Variants in P3H2 observed in about 807,000 individuals in gnomAD.
P3H2 encodes leprecan-like 1.
In P3H2, 80 loss-of-function variants were observed where a neutral mutation model predicts 87.0. That is an observed-to-expected ratio of 0.92 (90% CI 0.77 to 1.11). The LOEUF (loss-of-function observed/expected upper bound fraction) is 1.11, where lower values mean the gene tolerates loss of function less well. Among genes scored for constraint, P3H2 ranks in the 50% least tolerant of loss-of-function variants. P3H2 has a pLI of 0.00. For missense variants in P3H2, 1,001 were observed against 923.9 expected (o/e 1.08, Z -1.08); for synonymous variants, 367 against 359.3 (o/e 1.02, Z -0.24).
intron 1 of P3H2, among the ~76,000 whole-genome samples, chr3:190,069,958 T>C (rs953484597): frequency 1.3e-5 from 2 of 152,024 alleles, no homozygotes; most frequent in Admixed American, 1.3e-4. Context: ...AAGTTTTTTT[T>C]TTTTTTCTTC....
chr3:189,989,105 C>A, intron 3 of P3H2, 67 bp from the exon 4 acceptor site: 1 of 1,588,866 alleles, frequency 6.3e-7, no homozygotes, highest in Non-Finnish European at 8.6e-7. Flanking sequence ...AACGTCACAG[C>A]CACAGTTACA....
At chr3:190,011,186 T>C (rs1015740361) in intron 1 of P3H2, among the ~76,000 whole-genome samples, 1 of 151,604 alleles carries the variant, frequency 6.6e-6, no homozygotes, top group Non-Finnish European at 1.5e-5. Context: ...GAGAGGAGAA[T>C]TGCTTGAACC....
At chr3:190,036,989 T>TAAA (rs1553877436) in intron 1 of P3H2, among the ~76,000 whole-genome samples, 4 of 151,958 alleles carry the variant, frequency 2.6e-5, no homozygotes, top group Non-Finnish European at 5.9e-5. Context: ...AATTTTCAAT[T>TAAA]AACAACAACA....
chr3:190,089,597 C>T (rs1048756260), intron 1 of P3H2, among the ~76,000 whole-genome samples: 2 of 152,168 alleles, frequency 1.3e-5, no homozygotes, highest in Non-Finnish European at 2.9e-5. Context: ...TCACACATAC[C>T]TTATGCCTCA....
At chr3:190,089,243 T>C (rs546319347) in intron 1 of P3H2, among the ~76,000 whole-genome samples, 4 of 152,090 alleles carry the variant, frequency 2.6e-5, no homozygotes, top group East Asian at 3.9e-4. Context: ...CGGGGAGGGA[T>C]AGCATTAGGA....
chr3:189,957,288 T>C lies in P3H2; in HGVS notation c.*624A>G, dbSNP rs1722663029. 5.0e-6 allele frequency: 2 copies of C among 399,566 alleles called. No homozygotes were observed. The highest frequency in any genetic ancestry group is 8.8e-6 in the Non-Finnish European group (2 of 227,112). 24.8% of individuals were successfully genotyped at this position (399,566 alleles called of 1,614,324 possible). ...TTGGAGAGTCGGAGCTCATGGCCGT[T>C]AGCACCTAAGGATGTGGCTGAAAGG... On this transcript the variant is annotated 3_prime_UTR_variant, in exon 15 of 15. Transcript: ENST00000319332.
chr3:189,995,556 G>GTTTTT, intron 1 of P3H2, 114 bp from the exon 2 acceptor site: 14 of 839,148 alleles, frequency 1.7e-5, no homozygotes, highest in East Asian at 3.0e-5. Flanking sequence ...AGGAGCCTTG[G>GTTTTT]TTTTTTTTTT....
chr3:190,057,527 G>A (rs918287757), intron 1 of P3H2, among the ~76,000 whole-genome samples: 2 of 152,168 alleles, frequency 1.3e-5, no homozygotes, highest in East Asian at 3.9e-4. Flanking sequence ...CCTGGAAACA[G>A]AATCCCACAT....
At chr3:190,080,338 A>C (rs558287746) in intron 1 of P3H2, among the ~76,000 whole-genome samples, 5 of 152,332 alleles carry the variant, frequency 3.3e-5, no homozygotes, top group Admixed American at 2.0e-4. Context: ...TTTTGGCCAC[A>C]CAACATCTGA....
chr3:190,094,918 C>T (rs1040512114), intron 1 of P3H2, among the ~76,000 whole-genome samples: 2 of 152,064 alleles, frequency 1.3e-5, no homozygotes, highest in African/African-American at 4.8e-5. Context: ...ACTGATCATC[C>T]ATGATTATGT....
chr3:189,971,783 C>T (rs1723184615), intron 12 of P3H2, 107 bp downstream of exon 12: 3 of 763,432 alleles, frequency 3.9e-6, no homozygotes, highest in Non-Finnish European at 7.3e-6. Flanking sequence ...GAATTTCTGC[C>T]TTGGAGATAT....
chr3:190,039,756 A>G (rs1725542686), intron 1 of P3H2, among the ~76,000 whole-genome samples: 1 of 152,226 alleles, frequency 6.6e-6, no homozygotes, highest in South Asian at 2.1e-4. Context: ...AGGAGGAATC[A>G]GTATGAGATT....
intron 1 of P3H2, among the ~76,000 whole-genome samples, chr3:190,061,359 C>A (rs1726326359): frequency 6.6e-6 from 1 of 152,036 alleles, no homozygotes; most frequent in South Asian, 2.1e-4. Context: ...ATGCCAGGAG[C>A]TATGGGTGGA....
chr3:190,086,153 T>G (rs912797123), intron 1 of P3H2, among the ~76,000 whole-genome samples: 1 of 152,186 alleles, frequency 6.6e-6, no homozygotes, highest in African/African-American at 2.4e-5. Flanking sequence ...ATCTGTTTGA[T>G]TCTAATCTTC....
chr3:189,973,242 T>C, intron 10 of P3H2: 3 of 550,362 alleles, frequency 5.5e-6, no homozygotes, highest in Non-Finnish European at 9.7e-6. Context: ...TTGGTTCCTC[T>C]TCTCTTCTAT....
Position 190,007,965 on chromosome 3 carries a change from C to CACACACACACACAT in P3H2, c.481-12524_481-12523insATGTGTGTGTGTGT. ...GCCTGAGACTCTATTTGTTGACACA[C>CACACACACACACAT]ATATATATATATATATATATAGTAA... On this transcript the variant is annotated intron_variant, in intron 1 of 14. Transcript: ENST00000319332. Among the ~76,000 whole-genome samples the CACACACACACACAT allele has an allele frequency of 3.2e-5, 3 of 94,352 alleles. 1 individual carries two copies. Among genetic ancestry groups the CACACACACACACAT allele is most frequent in the South Asian group, 8.2e-4 (2 of 2,430 alleles). The allele number at this position is 94,352 out of a possible 152,430, so 61.9% of individuals were successfully genotyped here. A position where few individuals can be genotyped will look rare whatever the true frequency, so the allele number is the denominator to read the frequency against.
rs764122603 is a variant in P3H2, at chr3:189,964,058, G to A, written c.1934C>T (p.Ser645Leu). Residue 645 changes from serine to leucine, a missense_variant, in exon 14 of 15, where the codon TCA becomes TTA. Ser to Leu is a moderately radical substitution (Grantham distance 145). Transcript: ENST00000319332. ...CCCATGAGGGTTCTCTCCTCCAGAT[G>A]AGAAGCTGATCATGCGCCCACATTT... ...KPKCGRMISF[S>L]SGGENPHGVK... The A allele has an allele frequency of 2.5e-6, 4 of 1,614,080 alleles. No homozygotes were observed. In the African/African-American group the frequency reaches 4.0e-5, roughly 16 times the overall value.
intron 9 of P3H2, chr3:189,974,234 G>T (rs1294018979): frequency 8.4e-6 from 5 of 594,254 alleles, no homozygotes; most frequent in Non-Finnish European, 1.5e-5. Flanking sequence ...GAAATAAAAA[G>T]AATGTAAATT....
At chr3:190,044,895 G>A (rs1337769288) in intron 1 of P3H2, among the ~76,000 whole-genome samples, 1 of 152,162 alleles carries the variant, frequency 6.6e-6, no homozygotes, top group Non-Finnish European at 1.5e-5. Flanking sequence ...AGAAAAACGT[G>A]TGAAATCGCT....
Sources: gnomAD v4.1 joint callset for allele counts (sites outside exome capture counted in the v4.1 genomes callset) on GRCh38, gnomAD v4.1.1 for gene constraint, MANE v1.5 for transcripts, NCBI Gene and HGNC (gene_info 2026-07-23, HGNC 2026-07-21) for gene names.